ZBTB7C: variants seen among roughly 807,000 people sequenced by gnomAD.
ZBTB7C encodes the protein zinc finger and BTB domain containing 7C, also known as zinc finger and BTB domain-containing protein 7C.
A neutral mutation model predicts 25.7 loss-of-function variants in ZBTB7C; 8 were observed. The observed-to-expected ratio is 0.31, with a 90% CI of 0.18 to 0.56. The LOEUF (loss-of-function observed/expected upper bound fraction) is 0.56. Ranked by LOEUF, ZBTB7C falls within the 20% of genes least tolerant of loss-of-function variation. The probability of loss-of-function intolerance (pLI) is 0.91; values close to 1 mark genes in which losing one functional copy is unlikely to be tolerated. For missense variants in ZBTB7C, 824 were observed against 855.2 expected, an observed-to-expected ratio of 0.96 and a Z score of 0.46; for synonymous variants, 394 against 369.0, an observed-to-expected ratio of 1.07 and a Z score of -0.78.
intron 2 of ZBTB7C, among the ~76,000 whole-genome samples, chr18:48,248,631 A>C (rs747408658): frequency 2.6e-5 from 4 of 152,288 alleles, no homozygotes; most frequent in Middle Eastern, 3.4e-3. Flanking sequence ...TCTTCTCGCT[A>C]AAATGTAATC....
chr18:48,069,352 G>A (rs1012768081), intron 3 of ZBTB7C, among the ~76,000 whole-genome samples: 7 of 152,128 alleles, frequency 4.6e-5, no homozygotes, highest in Non-Finnish European at 8.8e-5. Context: ...AAGATCTCCC[G>A]ATTCTTCTCT....
intron 3 of ZBTB7C, chr18:48,148,664 G>C (rs1002466122): frequency 6.6e-6 from 1 of 152,186 alleles, no homozygotes; most frequent in African/African-American, 2.4e-5. Flanking sequence ...AAAATCTGTA[G>C]GTGCTATAGG....
chr18:48,296,669 T>G (rs1469159834), intron 2 of ZBTB7C, among the ~76,000 whole-genome samples: 1 of 152,152 alleles, frequency 6.6e-6, no homozygotes, highest in African/African-American at 2.4e-5. Flanking sequence ...GACACACATG[T>G]CCTATGAGTC....
intron 2 of ZBTB7C, among the ~76,000 whole-genome samples, chr18:48,279,539 C>T (rs895127198): frequency 8.5e-5 from 13 of 152,194 alleles, no homozygotes; most frequent in African/African-American, 2.9e-4. Flanking sequence ...AAGGACTGCA[C>T]GGGGCCTGGG....
chr18:48,122,487 A>AC, intron 3 of ZBTB7C, among the ~76,000 whole-genome samples: 1 of 152,176 alleles, frequency 6.6e-6, no homozygotes, highest in Non-Finnish European at 1.5e-5. Flanking sequence ...CTCCCTGTAT[A>AC]AGAGGCCTCC....
intron 2 of ZBTB7C, among the ~76,000 whole-genome samples, chr18:48,275,499 T>C (rs538437597): frequency 1.3e-5 from 2 of 152,152 alleles, no homozygotes; most frequent in African/African-American, 2.4e-5. Flanking sequence ...ATAGATTGAA[T>C]TGAGTCCAGA....
chr18:48,077,261 A>G (rs2037805992), intron 3 of ZBTB7C, among the ~76,000 whole-genome samples: 1 of 152,180 alleles, frequency 6.6e-6, no homozygotes, highest in African/African-American at 2.4e-5. Flanking sequence ...ATAGTTAATA[A>G]TAAGGTATGG....
rs752620585 is a variant in ZBTB7C, at chr18:48,029,369, G to A, written c.1751C>T (p.Ala584Val). 3.0e-5 allele frequency: 47 copies of A among 1,549,850 alleles called. No homozygotes were observed. The highest frequency in any genetic ancestry group is 4.0e-5 in the Non-Finnish European group (46 of 1,152,094). ...LAFALAENVAAARPYFPLPDP... is the reference protein window; with the variant it reads ...LAFALAENVAVARPYFPLPDP... ...GGGCAGCGGGAAGTAGGGCCGCGCC[G>A]CCGCCACGTTCTCGGCCAGCGCGAA... Residue 584 changes from alanine to valine, a missense_variant, in exon 5 of 5, where the codon GCG becomes GTG. Physicochemically the swap from Ala to Val is moderately conservative, Grantham distance 64 (BLOSUM62 0). Coordinates refer to ENST00000590800, the MANE Select transcript of ZBTB7C (RefSeq NM_001318841.2).
In ZBTB7C at chr18:48,027,024, C is replaced by T. The variant is rs1259911516; in HGVS notation, c.*2236G>A. On this transcript the variant is annotated 3_prime_UTR_variant, in exon 5 of 5. Coordinates refer to ENST00000590800, the MANE Select transcript of ZBTB7C (RefSeq NM_001318841.2). ...GCAAACTTTGTTGAGTGTCATTTTA[C>T]GTAGAGCAATCACATAAAAAAAGAG... 3 of 149,706 alleles carry T rather than the reference C, an allele frequency of 2.0e-5. No individual in the cohort carries two copies. Among genetic ancestry groups the T allele is most frequent in the Admixed American group, 6.7e-5 (1 of 14,894 alleles). The allele number at this position is 149,706 out of a possible 1,614,324, so 9.3% of individuals were successfully genotyped here.
chr18:48,305,168 ACC>A (rs1446856688), intron 2 of ZBTB7C, among the ~76,000 whole-genome samples: 4 of 152,182 alleles, frequency 2.6e-5, no homozygotes, highest in African/African-American at 9.7e-5. Context: ...TCCCTGTCAA[ACC>A]TCAAATTGAT....
intron 4 of ZBTB7C, 123 bp from the exon 5 acceptor site, chr18:48,030,034 A>G (rs997800590): frequency 5.3e-5 from 68 of 1,276,176 alleles, no homozygotes; most frequent in Non-Finnish European, 6.9e-5. Flanking sequence ...AACCCCAGAA[A>G]TAGGTCTCAT....
chr18:48,389,236 CGTGTGTG>C lies in ZBTB7C; in HGVS notation c.-304+19983_-304+19989del, dbSNP rs1410069387. Among the ~76,000 whole-genome samples, 585 of 61,736 alleles carry C rather than the reference CGTGTGTG, an allele frequency of 9.5e-3. 1 individual carries two copies. Among genetic ancestry groups the C allele is most frequent in the Non-Finnish European group, 0.011 (374 of 33,926 alleles). 40.5% of individuals were successfully genotyped at this position (61,736 alleles called of 152,430 possible). ...TCTCTCTCTCTCTCTCTCTCTCTCT[CGTGTGTG>C]TGTGTGTGTGTGTGTGTGTGTGTGT... On this transcript the variant is annotated intron_variant, in intron 1 of 4. Transcript: ENST00000590800.
At chr18:48,047,725 C>T (rs2036529392) in intron 3 of ZBTB7C, among the ~76,000 whole-genome samples, 1 of 152,174 alleles carries the variant, frequency 6.6e-6, no homozygotes. Flanking sequence ...CTGTGCTCCC[C>T]TCTCTCCCTA....
intron 2 of ZBTB7C, among the ~76,000 whole-genome samples, chr18:48,268,136 G>A (rs1352952631): frequency 6.6e-6 from 1 of 152,170 alleles, no homozygotes; most frequent in African/African-American, 2.4e-5. Context: ...GAAATCTTTG[G>A]GAACAGCAGG....
chr18:48,295,789 G>A (rs1344017008), intron 2 of ZBTB7C, among the ~76,000 whole-genome samples: 2 of 152,098 alleles, frequency 1.3e-5, no homozygotes, highest in Non-Finnish European at 2.9e-5. Flanking sequence ...CTCACTGTCC[G>A]CATTGGCTTC....
At chr18:48,246,529 TA>T (rs912230009) in intron 2 of ZBTB7C, among the ~76,000 whole-genome samples, 25 of 151,102 alleles carry the variant, frequency 1.7e-4, no homozygotes, top group African/African-American at 6.1e-4. Context: ...AAAATGGAAA[TA>T]AAAAAACACA....
intron 4 of ZBTB7C, 148 bp from the exon 5 acceptor site, chr18:48,030,059 C>T: frequency 9.9e-7 from 1 of 1,015,032 alleles, no homozygotes; most frequent in Non-Finnish European, 1.4e-6. Context: ...GATCTACCCT[C>T]AACTGCTGCC....
intron 4 of ZBTB7C, among the ~76,000 whole-genome samples, chr18:48,036,347 G>T (rs540092082): frequency 6.6e-6 from 1 of 152,342 alleles, no homozygotes; most frequent in Non-Finnish European, 1.5e-5. Context: ...TGTGGCTGCT[G>T]AGGTCATTAG....
chr18:48,352,632 A>G (rs2046891178), intron 1 of ZBTB7C, among the ~76,000 whole-genome samples: 1 of 152,056 alleles, frequency 6.6e-6, no homozygotes, highest in Non-Finnish European at 1.5e-5. Flanking sequence ...TGGGGTGGGC[A>G]GTCCATGGGC....
Sources: allele counts gnomAD v4.1 joint callset (sites outside exome capture counted in the v4.1 genomes callset), GRCh38; gene constraint gnomAD v4.1.1; transcripts MANE v1.5; gene names NCBI Gene and HGNC (gene_info 2026-07-23, HGNC 2026-07-21).